Variants in A2M observed in about 807,000 individuals in gnomAD.
A2M encodes alpha-2-macroglobulin.
A neutral mutation model predicts 183.9 loss-of-function variants in A2M; 128 were observed. The observed-to-expected ratio is 0.70, with a 90% CI of 0.60 to 0.81. The LOEUF (loss-of-function observed/expected upper bound fraction) is 0.81, where lower values mean the gene tolerates loss of function less well. Ranked by LOEUF, A2M falls within the 30% of genes least tolerant of loss-of-function variation. A2M has a pLI of 0.00. For synonymous variants in A2M, 592 were observed against 670.8 expected, an observed-to-expected ratio of 0.88 and a Z score of 1.81; for missense variants, 1,495 against 1,787.6, an observed-to-expected ratio of 0.84 and a Z score of 2.95.
intron 27 of A2M, 73 bp downstream of exon 27, chr12:9,077,273 A>G (rs1948774524): frequency 7.4e-7 from 1 of 1,357,420 alleles, no homozygotes; most frequent in African/African-American, 1.4e-5. Context: ...ATAGGATAGT[A>G]TTTCAGACAG....
At chr12:9,086,865 CATT>C (rs1198955214) in intron 22 of A2M, among the ~76,000 whole-genome samples, 3 of 152,232 alleles carry the variant, frequency 2.0e-5, no homozygotes, top group African/African-American at 7.2e-5. Flanking sequence ...TTGGTGATGA[CATT>C]ATCTTATATA....
In A2M at chr12:9,107,664, A is replaced by T; in HGVS notation, c.759-20T>A. On this transcript the variant is annotated intron_variant, in intron 7 of 35. Coordinates refer to ENST00000318602, the MANE Select transcript of A2M (RefSeq NM_000014.6). ...GTGTATCTGTCATGAGAACATTCCC[A>T]AAGGAATCAGAGCAGACACTGAACC... The T allele has an allele frequency of 6.2e-7, 1 of 1,612,410 alleles. No individual in the cohort carries two copies. The highest frequency in any genetic ancestry group is 8.5e-7 in the Non-Finnish European group (1 of 1,178,746).
At position 9,115,882 on chromosome 12, in the gene A2M, C is replaced by T. The variant is rs1290556141; in HGVS notation, c.-33G>A. 1 of 1,539,286 alleles carries T rather than the reference C, an allele frequency of 6.5e-7. No homozygotes were observed. Among genetic ancestry groups the T allele is most frequent in the Non-Finnish European group, 9.0e-7 (1 of 1,112,534 alleles). On this transcript the variant is annotated 5_prime_UTR_variant, in exon 1 of 36. Transcript: ENST00000318602. Reference sequence around the variant, plus strand: ...AAAGAAGGAGCTGGAGGAGAACAGACTGTATTGTACCCTACTCCCTACAAT... The same window carrying T: ...AAAGAAGGAGCTGGAGGAGAACAGATTGTATTGTACCCTACTCCCTACAAT...
At chr12:9,113,300 T>C in intron 2 of A2M, 60 bp downstream of exon 2, 4 of 1,565,118 alleles carry the variant, frequency 2.6e-6, no homozygotes, top group Non-Finnish European at 3.5e-6. Flanking sequence ...GACAGAATAC[T>C]AGATCCCTAT....
intron 1 of A2M, among the ~76,000 whole-genome samples, chr12:9,114,386 T>A (rs1473601161): frequency 1.3e-5 from 2 of 152,230 alleles, no homozygotes; most frequent in Non-Finnish European, 2.9e-5. Flanking sequence ...TTATCATGAT[T>A]TTAAGTAATA....
At chr12:9,089,314 G>T in intron 21 of A2M, 63 bp from the exon 22 acceptor site, 5 of 1,152,622 alleles carry the variant, frequency 4.3e-6, no homozygotes. Flanking sequence ...GTGTTTTAAT[G>T]GAGGGACCAC....
chr12:9,075,556 TA>T (rs1227603296), intron 28 of A2M, among the ~76,000 whole-genome samples: 3 of 152,334 alleles, frequency 2.0e-5, no homozygotes, highest in African/African-American at 4.8e-5. Flanking sequence ...CATACTTGTA[TA>T]GGGGTCTTCA....
intron 27 of A2M, 68 bp from the exon 28 acceptor site, chr12:9,077,004 C>T (rs1948767714): frequency 7.0e-7 from 1 of 1,429,212 alleles, no homozygotes; most frequent in Non-Finnish European, 9.3e-7. Flanking sequence ...CAGGCAAATA[C>T]ACGGATCACA....
chr12:9,099,240 G>A, intron 14 of A2M, 141 bp downstream of exon 14: 1 of 754,686 alleles, frequency 1.3e-6, no homozygotes, highest in Non-Finnish European at 2.2e-6. Context: ...TTCTTAGTGT[G>A]ACTCTGCCAC....
intron 17 of A2M, 75 bp from the exon 18 acceptor site, chr12:9,093,654 CAA>C (rs75521813): frequency 1.4e-3 from 729 of 527,298 alleles, no homozygotes; most frequent in South Asian, 2.6e-3. Flanking sequence ...TAGTTGCCAC[CAA>C]AAAAAAAAAA....
At chr12:9,115,928 C>G, upstream of A2M, 1 of 1,179,768 alleles carries the variant, frequency 8.5e-7, no homozygotes, top group Middle Eastern at 2.0e-4. Context: ...CCAAACACTT[C>G]CCAAAGCAAC....
chr12:9,074,819 C>T lies in A2M; in HGVS notation c.3533-36G>A, dbSNP rs761951686. On this transcript the variant is annotated intron_variant, in intron 28 of 35. Coordinates refer to ENST00000318602, the MANE Select transcript of A2M (RefSeq NM_000014.6). The stretch of plus-strand genomic sequence containing the variant: ...AGAAAAAGATATTTATAAGTGCCTA[C>T]ATATTTATATTTAATTCAAGGTGAA... 6.4e-6 allele frequency: 10 copies of T among 1,552,198 alleles called. No homozygotes were observed. The South Asian group carries it at 1.2e-4, about 18-fold the overall frequency.
At chr12:9,087,809 C>A (rs1008508932) in intron 22 of A2M, among the ~76,000 whole-genome samples, 2 of 152,020 alleles carry the variant, frequency 1.3e-5, no homozygotes, top group African/African-American at 2.4e-5. Flanking sequence ...CAACAACCAA[C>A]CAAACAAAAC....
At chr12:9,091,509 TCTAC>T in intron 18 of A2M, 80 bp from the exon 19 acceptor site, 7 of 1,436,852 alleles carry the variant, frequency 4.9e-6, no homozygotes, top group Non-Finnish European at 6.7e-6. Flanking sequence ...TAGGAATGAT[TCTAC>T]TGCCATGACT....
chr12:9,112,242 A>G, intron 3 of A2M, 31 bp from the exon 4 acceptor site: 1 of 1,613,716 alleles, frequency 6.2e-7, no homozygotes, highest in South Asian at 1.1e-5. Flanking sequence ...ATGAGCCCCC[A>G]AACCCAAAGT....
At chr12:9,105,962 A>G (rs1938251295) in intron 10 of A2M, among the ~76,000 whole-genome samples, 1 of 152,176 alleles carries the variant, frequency 6.6e-6, no homozygotes, top group Non-Finnish European at 1.5e-5. Flanking sequence ...TGACTTGTAC[A>G]ATGCTGTTTC....
rs143876312 is a variant in A2M at position 9,109,642 on chromosome 12, A to C, written c.673+225T>G. ...AACTCCATTAAAACAAGAATGTTTT[A>C]ATTTTGGGGGTTGGTATTAAATATT... On this transcript the variant is annotated intron_variant, in intron 6 of 35. Coordinates refer to ENST00000318602, the MANE Select transcript of A2M (RefSeq NM_000014.6). 6.4e-4 allele frequency among the ~76,000 whole-genome samples: 98 copies of C among 152,324 alleles called. 3 individuals carry two copies. The East Asian group carries it at 0.017, about 26-fold the overall frequency.
chr12:9,093,542 C>G lies in A2M; in HGVS notation c.2163G>C (p.Val721=). 1.9e-6 allele frequency: 3 copies of G among 1,612,184 alleles called. No homozygotes were observed. Among genetic ancestry groups the G allele is most frequent in the Non-Finnish European group, 1.7e-6 (2 of 1,179,162 alleles). ...DVMGRGHARL[V]HVEEPHTETV... ...TCTCCGTGTGAGGCTCTTCAACATG[C>G]ACCAGGCGTGCATGGCCTCTTCCCA... Residue 721 remains valine (V), a synonymous_variant, in exon 18 of 36, where the codon GTG becomes GTC. Coordinates refer to ENST00000318602, the MANE Select transcript of A2M (RefSeq NM_000014.6).
intron 5 of A2M, 52 bp from the exon 6 acceptor site, chr12:9,110,087 T>C: frequency 1.3e-6 from 2 of 1,545,580 alleles, no homozygotes; most frequent in Non-Finnish European, 8.8e-7. Flanking sequence ...GCATTGGAGC[T>C]AATAAAAGAT....
Sources: gnomAD v4.1 joint callset for allele counts (sites outside exome capture counted in the v4.1 genomes callset) on GRCh38, gnomAD v4.1.1 for gene constraint, MANE v1.5 for transcripts, NCBI Gene and HGNC (gene_info 2026-07-23, HGNC 2026-07-21) for gene names.